Variants in SEC14L1 observed in about 807,000 individuals in gnomAD.
SEC14L1 encodes the protein SEC14-like protein 1.
In SEC14L1, 48 loss-of-function variants were observed where a neutral mutation model predicts 85.3. The ratio of observed to expected loss-of-function variants is 0.56; its 90% CI spans 0.45 to 0.72. SEC14L1 has a LOEUF of 0.72. Among genes scored for constraint, SEC14L1 ranks in the 30% least tolerant of loss-of-function variants. The pLI, the probability that SEC14L1 is intolerant of heterozygous loss-of-function variation, is 0.00. For missense variants in SEC14L1, 682 were observed against 921.4 expected (o/e 0.74, Z 3.36); for synonymous variants, 391 against 355.5 (o/e 1.10, Z -1.12).
intron 3 of SEC14L1, chr17:77,144,975 G>C (rs1201533838): frequency 2.0e-5 from 3 of 151,938 alleles, no homozygotes; most frequent in African/African-American, 4.8e-5. Context: ...GCAGTGACGC[G>C]ATCTTGGCTT....
intron 3 of SEC14L1, among the ~76,000 whole-genome samples, chr17:77,157,767 G>C (rs117183484): frequency 0.015 from 2,245 of 152,136 alleles, 23 homozygotes; most frequent in South Asian, 0.046. Flanking sequence ...ACCTCGTGAT[G>C]CGTCTGCCTT....
At chr17:77,097,301 C>T (rs1971669658) in intron 3 of SEC14L1, among the ~76,000 whole-genome samples, 1 of 152,202 alleles carries the variant, frequency 6.6e-6, no homozygotes, top group Non-Finnish European at 1.5e-5. Flanking sequence ...CACGGTGGCT[C>T]ACGCCTGTAA....
intron 3 of SEC14L1, among the ~76,000 whole-genome samples, chr17:77,177,479 G>T (rs1322820215): frequency 6.6e-6 from 1 of 151,236 alleles, no homozygotes; most frequent in African/African-American, 2.4e-5. Flanking sequence ...AGGTAGTCTT[G>T]GCTGGAAATT....
intron 11 of SEC14L1, among the ~76,000 whole-genome samples, chr17:77,205,717 T>C (rs1037852160): frequency 6.6e-6 from 1 of 152,172 alleles, no homozygotes; most frequent in Non-Finnish European, 1.5e-5. Context: ...GAGGTTGACA[T>C]TGATAAGGGT....
intron 3 of SEC14L1, among the ~76,000 whole-genome samples, chr17:77,153,144 T>G (rs1226554431): frequency 6.6e-6 from 1 of 152,230 alleles, no homozygotes; most frequent in African/African-American, 2.4e-5. Context: ...CTTGGCTCAC[T>G]GCAACCTCCG....
intron 3 of SEC14L1, among the ~76,000 whole-genome samples, chr17:77,146,721 G>C (rs1973327335): frequency 6.6e-6 from 1 of 151,284 alleles, no homozygotes; most frequent in African/African-American, 2.4e-5. Flanking sequence ...CAAACACACA[G>C]ACGCACACAC....
At chr17:77,148,182 G>A (rs1210022808) in intron 3 of SEC14L1, among the ~76,000 whole-genome samples, 5 of 152,148 alleles carry the variant, frequency 3.3e-5, no homozygotes, top group African/African-American at 9.7e-5. Context: ...GGAAAATGAA[G>A]GAGGCGGGAG....
At chr17:77,184,132 G>T (rs1196674232) in intron 3 of SEC14L1, among the ~76,000 whole-genome samples, 1 of 152,134 alleles carries the variant, frequency 6.6e-6, no homozygotes, top group Non-Finnish European at 1.5e-5. Context: ...TGTCCTGAGG[G>T]CCGCAGAAGC....
At chr17:77,209,004 T>G (rs1976604978) in intron 13 of SEC14L1, among the ~76,000 whole-genome samples, 1 of 152,192 alleles carries the variant, frequency 6.6e-6, no homozygotes, top group Non-Finnish European at 1.5e-5. Flanking sequence ...TTTCTTAAAG[T>G]AATACTTTTC....
In SEC14L1 at chr17:77,200,638, A is replaced by G; in HGVS notation, c.974A>G (p.Asp325Gly). 1.2e-6 allele frequency: 2 copies of G among 1,613,948 alleles called. No homozygotes were observed. The highest frequency in any genetic ancestry group is 1.7e-6 in the Non-Finnish European group (2 of 1,179,966). Residue 325 changes from aspartate to glycine, a missense_variant, in exon 9 of 17, where the codon GAT (aspartate) becomes GGT (glycine). By Grantham distance (94) the Asp-to-Gly change is moderately conservative (BLOSUM62 -1). Coordinates refer to ENST00000436233, the MANE Select transcript of SEC14L1 (RefSeq NM_001143998.2). ...ETWTPPQVLQDYYAGGWHHHD... is the reference protein window; with the variant it reads ...ETWTPPQVLQGYYAGGWHHHD... Reference sequence around the variant, plus strand: ...TGGACCCCTCCTCAGGTCCTTCAGGATTACTACGCGGGAGGCTGGCATCAT... The same window carrying G: ...TGGACCCCTCCTCAGGTCCTTCAGGGTTACTACGCGGGAGGCTGGCATCAT...
chr17:77,131,370 A>C (rs906020788), intron 3 of SEC14L1, among the ~76,000 whole-genome samples: 6 of 152,122 alleles, frequency 3.9e-5, no homozygotes, highest in African/African-American at 1.4e-4. Flanking sequence ...CCCAGGTTCA[A>C]GCGATTCCCC....
chr17:77,180,352 A>G (rs1022095137), intron 3 of SEC14L1, among the ~76,000 whole-genome samples: 6 of 152,030 alleles, frequency 3.9e-5, no homozygotes, highest in African/African-American at 1.4e-4. Context: ...TTGGCCTCCC[A>G]AAGTGCTGGG....
intron 3 of SEC14L1, among the ~76,000 whole-genome samples, chr17:77,102,815 T>C (rs1971810019): frequency 6.6e-6 from 1 of 152,146 alleles, no homozygotes. Context: ...TTTTTGTTTA[T>C]TTTAAAGACA....
At chr17:77,185,826 G>T (rs916167818) in intron 3 of SEC14L1, among the ~76,000 whole-genome samples, 1 of 152,004 alleles carries the variant, frequency 6.6e-6, no homozygotes, top group Non-Finnish European at 1.5e-5. Flanking sequence ...AATTCTTAGG[G>T]CTTTGAATGG....
In SEC14L1 at chr17:77,216,763, CT is replaced by C; in HGVS notation, c.*2742del. On this transcript the variant is annotated 3_prime_UTR_variant, in exon 17 of 17. Coordinates refer to ENST00000436233, the MANE Select transcript of SEC14L1 (RefSeq NM_001143998.2). ...CTCAAAGCACATGACCGCACAAATGCTTACAGGGTTTCCTCCCGAGTAATCC... is the reference window on the plus strand; with the variant it reads ...CTCAAAGCACATGACCGCACAAATGCTACAGGGTTTCCTCCCGAGTAATCC... 1.1e-6 allele frequency: 1 copy of C among 910,086 alleles called. No individual in the cohort carries two copies. The highest frequency in any genetic ancestry group is 1.7e-5 in the African/African-American group (1 of 60,518). The allele number at this position is 910,086 out of a possible 1,614,324, so 56.4% of individuals were successfully genotyped here. A position where few individuals can be genotyped will look rare whatever the true frequency, so the allele number is the denominator to read the frequency against.
At chr17:77,140,506 C>A (rs1396150290), upstream of SEC14L1, among the ~76,000 whole-genome samples, 1 of 152,246 alleles carries the variant, frequency 6.6e-6, no homozygotes, top group Non-Finnish European at 1.5e-5. Flanking sequence ...GCCGCCAGGG[C>A]GACCAGAGGC....
At chr17:77,173,901 TTTTC>T (rs1974633846) in intron 3 of SEC14L1, among the ~76,000 whole-genome samples, 2 of 151,470 alleles carry the variant, frequency 1.3e-5, no homozygotes, top group African/African-American at 2.4e-5. Context: ...CCCTTTCTTT[TTTTC>T]TTTTTTTTTT....
chr17:77,162,091 A>G (rs1480141199), intron 3 of SEC14L1, among the ~76,000 whole-genome samples: 1 of 152,126 alleles, frequency 6.6e-6, no homozygotes, highest in Non-Finnish European at 1.5e-5. Flanking sequence ...GGGTGGCCCA[A>G]CGGGCAAGGG....
chr17:77,133,160 A>T (rs1238976273), intron 3 of SEC14L1, among the ~76,000 whole-genome samples: 1 of 152,174 alleles, frequency 6.6e-6, no homozygotes, highest in Non-Finnish European at 1.5e-5. Flanking sequence ...GGCATGAGCC[A>T]CTGCACCTGG....
Sources: gnomAD v4.1 joint callset for allele counts (sites outside exome capture counted in the v4.1 genomes callset) on GRCh38, gnomAD v4.1.1 for gene constraint, MANE v1.5 for transcripts, NCBI Gene and HGNC (gene_info 2026-07-23, HGNC 2026-07-21) for gene names.